The following TRAPPC9 variants were observed in gnomAD, a reference collection of about 807,000 sequenced individuals.
TRAPPC9 encodes the protein trafficking protein particle complex subunit 9.
In TRAPPC9, 83 loss-of-function variants were observed where a neutral mutation model predicts 124.0. The ratio of observed to expected loss-of-function variants is 0.67; its 90% CI spans 0.56 to 0.80. TRAPPC9 has a LOEUF of 0.80. TRAPPC9 is among the 30% of genes least tolerant of loss of function. The pLI is 0.00. For missense variants in TRAPPC9, 1,302 were observed against 1,508.3 expected (o/e 0.86, Z 2.27); for synonymous variants, 638 against 617.5 (o/e 1.03, Z -0.49).
chr8:139,925,364 G>A (rs559487843), intron 19 of TRAPPC9, among the ~76,000 whole-genome samples: 29 of 152,340 alleles, frequency 1.9e-4, no homozygotes, highest in African/African-American at 7.0e-4. Flanking sequence ...AGAGGCGAGA[G>A]AGCTAGAGAA....
intron 19 of TRAPPC9, among the ~76,000 whole-genome samples, chr8:139,962,621 TG>T (rs1432360703): frequency 8.1e-6 from 1 of 124,114 alleles, no homozygotes; most frequent in African/African-American, 2.6e-5. Flanking sequence ...GTCCCAATCC[TG>T]GAGAACCCAC....
At chr8:140,147,414 A>G (rs954162941) in intron 17 of TRAPPC9, among the ~76,000 whole-genome samples, 23 of 152,290 alleles carry the variant, frequency 1.5e-4, no homozygotes, top group African/African-American at 5.1e-4. Context: ...GAACGTCTCA[A>G]TTCCGCAGGT....
chr8:140,038,551 G>A (rs944375511), intron 17 of TRAPPC9, among the ~76,000 whole-genome samples: 4 of 152,328 alleles, frequency 2.6e-5, no homozygotes, highest in Middle Eastern at 3.4e-3. Flanking sequence ...TGGATGAGTG[G>A]CCCTGGCTCC....
intron 19 of TRAPPC9, among the ~76,000 whole-genome samples, chr8:139,947,629 G>A (rs1834309569): frequency 6.6e-6 from 1 of 151,918 alleles, no homozygotes; most frequent in African/African-American, 2.4e-5. Context: ...GGAGGCCTAG[G>A]CAGGTGGATC....
At chr8:140,246,936 G>T (rs1241746158) in intron 16 of TRAPPC9, among the ~76,000 whole-genome samples, 1 of 152,096 alleles carries the variant, frequency 6.6e-6, no homozygotes, top group East Asian at 1.9e-4. Flanking sequence ...AGTGAGCTGA[G>T]ATCGTGCCAC....
intron 15 of TRAPPC9, among the ~76,000 whole-genome samples, chr8:140,266,540 T>C (rs553632163): frequency 7.9e-6 from 1 of 126,302 alleles, no homozygotes; most frequent in Non-Finnish European, 1.6e-5. Flanking sequence ...AGACCCTCCT[T>C]GTCCAGAAAT....
chr8:140,146,684 G>A lies in TRAPPC9; in HGVS notation c.2556+74775C>T, dbSNP rs73361172. On this transcript the variant is annotated intron_variant, in intron 17 of 22. Transcript: ENST00000438773. ...TTAAAACTGTGACCTCCACCTTAAT[G>A]AGATGGCTCTTGCCTGAGTCTCTCA... 4.0e-3 allele frequency among the ~76,000 whole-genome samples: 615 copies of A among 152,260 alleles called. 5 individuals carry two copies. Among genetic ancestry groups the A allele is most frequent in the African/African-American group, 0.014 (595 of 41,534 alleles).
chr8:140,202,023 T>A (rs2062803288), intron 17 of TRAPPC9, among the ~76,000 whole-genome samples: 1 of 152,186 alleles, frequency 6.6e-6, no homozygotes, highest in Non-Finnish European at 1.5e-5. Flanking sequence ...CAGGCACACA[T>A]GAGTTTGCAC....
At chr8:139,757,799 C>G (rs1370307866) in intron 21 of TRAPPC9, among the ~76,000 whole-genome samples, 2 of 152,132 alleles carry the variant, frequency 1.3e-5, no homozygotes, top group South Asian at 2.1e-4. Flanking sequence ...CCACAGTTCT[C>G]ACGCTTAGTA....
At chr8:140,369,717 C>T (rs779598270) in intron 8 of TRAPPC9, among the ~76,000 whole-genome samples, 92 of 152,024 alleles carry the variant, frequency 6.1e-4, no homozygotes, top group Non-Finnish European at 7.4e-4. Flanking sequence ...TTTGGGAGGC[C>T]AAAGTGGGCG....
chr8:139,731,916 G>A, intron 22 of TRAPPC9, 63 bp downstream of exon 22: 1 of 1,468,266 alleles, frequency 6.8e-7, no homozygotes, highest in South Asian at 1.2e-5. Flanking sequence ...CACCACCCAG[G>A]GAAGGGGGGA....
chr8:140,131,373 G>GA (rs1225664042), intron 17 of TRAPPC9, among the ~76,000 whole-genome samples: 1 of 152,150 alleles, frequency 6.6e-6, no homozygotes. Context: ...AAAGTGCTTT[G>GA]AATTTTAACA....
At chr8:140,043,722 T>C (rs1841409028) in intron 17 of TRAPPC9, among the ~76,000 whole-genome samples, 1 of 152,208 alleles carries the variant, frequency 6.6e-6, no homozygotes, top group African/African-American at 2.4e-5. Context: ...AGAATGTGCA[T>C]TTCTAAGAAG....
rs1471756490 is a variant in TRAPPC9, at chr8:139,988,770, G to A, written c.2766C>T (p.Thr922=). ...NSTEHELTVS[T]RSSEALILHA... ...GCAGGATGAGTGCCTCGCTGCTCCTGGTGCTGACGGTCAGCTCATGCTCGG... is the reference window on the plus strand; with the variant it reads ...GCAGGATGAGTGCCTCGCTGCTCCTAGTGCTGACGGTCAGCTCATGCTCGG... The change falls in exon 19 of 23, where the codon ACC becomes ACT. Residue 922 remains threonine (T), a synonymous_variant. Coordinates refer to ENST00000438773, the MANE Select transcript of TRAPPC9 (RefSeq NM_001160372.4). The A allele has an allele frequency of 3.9e-6, 6 of 1,551,452 alleles. No individual in the cohort carries two copies. The East Asian group carries it at 1.5e-4, about 38-fold the overall frequency.
chr8:139,803,076 C>T (rs558324120), intron 21 of TRAPPC9, among the ~76,000 whole-genome samples: 7 of 148,742 alleles, frequency 4.7e-5, no homozygotes, highest in Non-Finnish European at 8.9e-5. Flanking sequence ...GACTGTGCTG[C>T]GTGCTTGTTG....
At position 139,769,624 on chromosome 8, in the gene TRAPPC9, A is replaced by C. The variant is rs1459699288; in HGVS notation, c.3056-37422T>G. ...CTGCTGCACTTCCAGATACTTTTAG[A>C]AAGAAGCAAATGCAAACACAGAATA... On this transcript the variant is annotated intron_variant, in intron 21 of 22. Transcript: ENST00000438773. Among the ~76,000 whole-genome samples, 10 of 152,384 alleles carry C rather than the reference A, an allele frequency of 6.6e-5. 1 individual carries two copies. The South Asian group carries it at 1.4e-3, about 22-fold the overall frequency.
chr8:140,350,901 A>T (rs76559556), intron 9 of TRAPPC9, among the ~76,000 whole-genome samples: 4,826 of 152,090 alleles, frequency 0.032, 106 homozygotes, highest in Middle Eastern at 0.061. Flanking sequence ...TTTGCAATTT[A>T]AACAGTAACT....
intron 21 of TRAPPC9, among the ~76,000 whole-genome samples, chr8:139,826,115 C>A (rs1825613359): frequency 6.6e-6 from 1 of 152,204 alleles, no homozygotes; most frequent in Admixed American, 6.5e-5. Flanking sequence ...CAGGGTGACC[C>A]AACCTGGAGC....
intron 21 of TRAPPC9, among the ~76,000 whole-genome samples, chr8:139,738,522 C>T (rs1230785584): frequency 6.6e-6 from 1 of 152,208 alleles, no homozygotes; most frequent in East Asian, 1.9e-4. Flanking sequence ...AGGAGAGGGG[C>T]ACACTTCGCT....
Sources: gnomAD v4.1 joint callset for allele counts (sites outside exome capture counted in the v4.1 genomes callset) on GRCh38, gnomAD v4.1.1 for gene constraint, MANE v1.5 for transcripts, NCBI Gene and HGNC (gene_info 2026-07-23, HGNC 2026-07-21) for gene names.